The following FARP1 variants were observed in gnomAD, a reference collection of about 807,000 sequenced individuals.
The protein encoded by FARP1 is FERM, ARHGEF and pleckstrin domain-containing protein 1.
FARP1 carries 52 observed loss-of-function variants against 128.8 expected under a neutral mutation model. That is an observed-to-expected ratio of 0.40 (90% CI 0.32 to 0.51). The LOEUF (loss-of-function observed/expected upper bound fraction) is 0.51, where lower values mean the gene tolerates loss of function less well. FARP1 is among the 20% of genes least tolerant of loss of function. The probability of loss-of-function intolerance (pLI) is 0.45; values close to 1 mark genes in which losing one functional copy is unlikely to be tolerated. For missense variants in FARP1, 1,333 were observed against 1,367.9 expected, an observed-to-expected ratio of 0.97 and a Z score of 0.40; for synonymous variants, 580 against 551.8, an observed-to-expected ratio of 1.05 and a Z score of -0.72.
At chr13:98,241,387 G>A (rs185051779) in intron 2 of FARP1, among the ~76,000 whole-genome samples, 1 of 152,254 alleles carries the variant, frequency 6.6e-6, no homozygotes, top group East Asian at 1.9e-4. Flanking sequence ...ACGGCATGTT[G>A]CACACGATGG....
At chr13:98,322,827 A>G (rs1464800115) in intron 2 of FARP1, among the ~76,000 whole-genome samples, 2 of 152,224 alleles carry the variant, frequency 1.3e-5, no homozygotes, top group Non-Finnish European at 2.9e-5. Context: ...GGGCACACAC[A>G]TACCGTATAT....
intron 16 of FARP1, among the ~76,000 whole-genome samples, chr13:98,413,866 C>A (rs1013914336): frequency 3.3e-5 from 5 of 152,184 alleles, no homozygotes; most frequent in African/African-American, 1.2e-4. Flanking sequence ...CCGTCTTAGG[C>A]AAATCTTCCT....
intron 2 of FARP1, among the ~76,000 whole-genome samples, chr13:98,237,240 G>A (rs1184104632): frequency 1.3e-5 from 2 of 151,426 alleles, no homozygotes; most frequent in African/African-American, 2.4e-5. Context: ...GGATGCGGAG[G>A]TTGGAGTGAG....
intron 2 of FARP1, among the ~76,000 whole-genome samples, chr13:98,235,956 T>C (rs1286136661): frequency 6.6e-6 from 1 of 151,992 alleles, no homozygotes; most frequent in African/African-American, 2.4e-5. Context: ...CCAGAGTAGC[T>C]GGGATTACAG....
At chr13:98,265,865 A>G (rs1571525) in intron 2 of FARP1, among the ~76,000 whole-genome samples, 66,664 of 151,942 alleles carry the variant, frequency 0.44, 15,422 homozygotes, top group African/African-American at 0.58. Flanking sequence ...GGCAGCTGAT[A>G]TAAGTGCCAC....
At chr13:98,197,161 A>C (rs1018573267) in intron 1 of FARP1, among the ~76,000 whole-genome samples, 3 of 152,090 alleles carry the variant, frequency 2.0e-5, no homozygotes, top group African/African-American at 7.2e-5. Context: ...CCTTTTTCAT[A>C]AAGTTGTATA....
intron 24 of FARP1, among the ~76,000 whole-genome samples, chr13:98,443,205 AAAT>A (rs1892599661): frequency 6.6e-6 from 1 of 152,180 alleles, no homozygotes; most frequent in African/African-American, 2.4e-5. Flanking sequence ...GCAAAGCCTG[AAAT>A]ATCTGCCGTC....
intron 2 of FARP1, among the ~76,000 whole-genome samples, chr13:98,312,465 T>C (rs1594388178): frequency 1.3e-5 from 2 of 152,162 alleles, no homozygotes; most frequent in East Asian, 3.9e-4. Context: ...AAGGTGGTCA[T>C]AGCTCAGTTT....
chr13:98,197,672 T>C (rs567371730), intron 1 of FARP1, among the ~76,000 whole-genome samples: 2 of 151,488 alleles, frequency 1.3e-5, no homozygotes, highest in Non-Finnish European at 2.9e-5. Context: ...TCTCGCTCTG[T>C]CACCCAGGCT....
At chr13:98,379,878 C>T (rs1889825113) in intron 6 of FARP1, among the ~76,000 whole-genome samples, 1 of 152,162 alleles carries the variant, frequency 6.6e-6, no homozygotes, top group South Asian at 2.1e-4. Flanking sequence ...ATGGAACCCA[C>T]AGATAGAGAG....
At chr13:98,428,034 C>G (rs946512761) in intron 17 of FARP1, among the ~76,000 whole-genome samples, 1 of 152,098 alleles carries the variant, frequency 6.6e-6, no homozygotes, top group African/African-American at 2.4e-5. Context: ...TGTTCTCGAG[C>G]CTGCAGTGTC....
chr13:98,369,819 C>A (rs1412633818), intron 5 of FARP1, among the ~76,000 whole-genome samples: 1 of 152,202 alleles, frequency 6.6e-6, no homozygotes, highest in Non-Finnish European at 1.5e-5. Context: ...GGTGTTCAAG[C>A]AGTGACTGTT....
intron 2 of FARP1, among the ~76,000 whole-genome samples, chr13:98,226,253 A>G (rs993343089): frequency 6.6e-6 from 1 of 152,106 alleles, no homozygotes; most frequent in Non-Finnish European, 1.5e-5. Flanking sequence ...TTTGCTGGTA[A>G]TCTGTGGCAT....
chr13:98,178,606 A>T (rs1442028453), intron 1 of FARP1, among the ~76,000 whole-genome samples: 1 of 152,200 alleles, frequency 6.6e-6, no homozygotes, highest in African/African-American at 2.4e-5. Context: ...GCATGTCATA[A>T]AGTGTTACAT....
At position 98,431,272 on chromosome 13, in the gene FARP1, A is replaced by C; in HGVS notation, c.2135A>C (p.Asp712Ala). ...CCGCCGAGCCACGCCGACTTCAGGG[A>C]CTGCCGAGGTGAGTGCTGGGAGCCT... ...HHPPSHADFR[D>A]CRAALAEITE... The change falls in exon 18 of 27, where the codon GAC becomes GCC. Residue 712 changes from aspartate to alanine, a missense_variant. Asp to Ala is a moderately radical substitution (Grantham distance 126). Coordinates refer to ENST00000319562, the MANE Select transcript of FARP1 (RefSeq NM_005766.4). The C allele has an allele frequency of 1.3e-6, 2 of 1,586,682 alleles. No homozygotes were observed. The highest frequency in any genetic ancestry group is 4.6e-5 in the East Asian group (2 of 43,544).
intron 1 of FARP1, among the ~76,000 whole-genome samples, chr13:98,197,214 C>T (rs1288402632): frequency 1.3e-5 from 2 of 152,160 alleles, no homozygotes; most frequent in East Asian, 1.9e-4. Context: ...CGCCTGTGAT[C>T]CCAGCACTTT....
chr13:98,151,749 C>T (rs1876023643), intron 1 of FARP1, among the ~76,000 whole-genome samples: 1 of 138,860 alleles, frequency 7.2e-6, no homozygotes, highest in Admixed American at 8.4e-5. Context: ...GCAACCTCCG[C>T]CTCCCGGGTT....
At chr13:98,324,135 T>C (rs955692517) in intron 2 of FARP1, among the ~76,000 whole-genome samples, 1 of 152,236 alleles carries the variant, frequency 6.6e-6, no homozygotes, top group Non-Finnish European at 1.5e-5. Context: ...ATTGAAGTTA[T>C]GTATAATGGT....
In FARP1 at chr13:98,448,344, G is replaced by A; in HGVS notation, c.*27G>A. 2 of 1,541,952 alleles carry A rather than the reference G, an allele frequency of 1.3e-6. No individual in the cohort carries two copies. The highest frequency in any genetic ancestry group is 2.2e-5 in the East Asian group (1 of 44,576). On this transcript the variant is annotated 3_prime_UTR_variant, in exon 27 of 27. Transcript: ENST00000319562. ...GGCCGGACACACTCGTTTCCGCAGT[G>A]GCTGCTTTCCTGGAAGACGTTTCCT...
Sources: gnomAD v4.1 joint callset for allele counts (sites outside exome capture counted in the v4.1 genomes callset) on GRCh38, gnomAD v4.1.1 for gene constraint, MANE v1.5 for transcripts, NCBI Gene and HGNC (gene_info 2026-07-23, HGNC 2026-07-21) for gene names.